The following PCDHA12 variants were observed in gnomAD, a reference collection of about 807,000 sequenced individuals.
PCDHA12 encodes the protein protocadherin alpha-12.
Under a neutral mutation model 60.0 loss-of-function variants are expected in PCDHA12, and 44 were observed. The ratio of observed to expected loss-of-function variants is 0.73; its 90% CI spans 0.58 to 0.94. The LOEUF is 0.94. Among genes scored for constraint, PCDHA12 ranks in the 40% least tolerant of loss-of-function variants. The pLI, the probability that PCDHA12 is intolerant of heterozygous loss-of-function variation, is 0.00. For synonymous variants in PCDHA12, 569 were observed against 553.0 expected (o/e 1.03, Z -0.40); for missense variants, 1,276 against 1,239.7 (o/e 1.03, Z -0.44).
intron 1 of PCDHA12, chr5:140,966,814 CCGG>C (rs2096057641): frequency 1.9e-6 from 3 of 1,552,444 alleles, no homozygotes; most frequent in Non-Finnish European, 2.6e-6. Flanking sequence ...ATCCACGGCT[CCGG>C]CGGCCCATGC....
chr5:140,961,465 T>C (rs2095614873), intron 1 of PCDHA12, among the ~76,000 whole-genome samples: 2 of 152,218 alleles, frequency 1.3e-5, no homozygotes, highest in Admixed American at 1.3e-4. Context: ...GCTGCCTTTC[T>C]TTTTTTGTCT....
At chr5:140,926,590 G>A (rs2083383863) in intron 1 of PCDHA12, 1 of 296,754 alleles carries the variant, frequency 3.4e-6, no homozygotes, top group Non-Finnish European at 6.1e-6. Context: ...CTCGCGCCCG[G>A]GCGGGCGGCC....
chr5:140,983,665 A>G (rs1161885514), intron 3 of PCDHA12, among the ~76,000 whole-genome samples: 3 of 152,248 alleles, frequency 2.0e-5, no homozygotes, highest in Non-Finnish European at 4.4e-5. Flanking sequence ...GGCAGAGGGT[A>G]GGATTCAAAC....
chr5:140,880,338 C>T (rs887426306), intron 1 of PCDHA12, among the ~76,000 whole-genome samples: 10 of 152,130 alleles, frequency 6.6e-5, no homozygotes, highest in African/African-American at 1.7e-4. Context: ...AAAAATAAGA[C>T]AGGCAGCAGG....
At chr5:140,955,207 G>A (rs2153705473) in intron 1 of PCDHA12, among the ~76,000 whole-genome samples, 1 of 152,290 alleles carries the variant, frequency 6.6e-6, no homozygotes, top group South Asian at 2.1e-4. Context: ...CAATCAAGTA[G>A]CATGATGCCT....
At position 140,963,599 on chromosome 5, in the gene PCDHA12, C is replaced by T. The variant is rs968307291; in HGVS notation, c.2368-15350C>T. On this transcript the variant is annotated intron_variant, in intron 1 of 3. Coordinates refer to ENST00000398631, the MANE Select transcript of PCDHA12 (RefSeq NM_018903.4). ...TCAAAATGTAGGATATAGTTCTAGA[C>T]GTAATTGGGAAAGCTTAACTTTGTT... Among the ~76,000 whole-genome samples, 9 of 152,254 alleles carry T rather than the reference C, an allele frequency of 5.9e-5. No individual in the cohort carries two copies. The South Asian group carries it at 1.0e-3, about 18-fold the overall frequency.
Position 140,876,839 on chromosome 5 carries a change from C to G in PCDHA12, c.1367C>G (p.Ala456Gly). ...GTGAACGACAATGCGCCTGCGTTCGCGCAGCCCGAGTACACAGTGTTCGTG... is the reference window on the plus strand; with the variant it reads ...GTGAACGACAATGCGCCTGCGTTCGGGCAGCCCGAGTACACAGTGTTCGTG... ...ADVNDNAPAFAQPEYTVFVKE... is the reference protein window; with the variant it reads ...ADVNDNAPAFGQPEYTVFVKE... The change falls in exon 1 of 4, where the codon GCG becomes GGG. Residue 456 changes from alanine (A) to glycine (G), a missense_variant. Physicochemically the swap from Ala to Gly is moderately conservative, Grantham distance 60. Transcript: ENST00000398631. 6.2e-7 allele frequency: 1 copy of G among 1,614,116 alleles called. No homozygotes were observed. Among genetic ancestry groups the G allele is most frequent in the Non-Finnish European group, 8.5e-7 (1 of 1,180,000 alleles).
chr5:140,888,003 A>G (rs1187660261), intron 1 of PCDHA12, among the ~76,000 whole-genome samples: 1 of 152,112 alleles, frequency 6.6e-6, no homozygotes, highest in African/African-American at 2.4e-5. Context: ...CCGAATAGTC[A>G]TCTTTTTATC....
intron 1 of PCDHA12, among the ~76,000 whole-genome samples, chr5:140,971,538 C>T (rs1162304462): frequency 6.6e-6 from 1 of 152,122 alleles, no homozygotes; most frequent in African/African-American, 2.4e-5. Flanking sequence ...GTCATCATTG[C>T]CAGATCAACC....
chr5:140,875,410 ATACC>A lies in PCDHA12; in HGVS notation c.-61_-58del, dbSNP rs1259407256. On this transcript the variant is annotated 5_prime_UTR_variant, in exon 1 of 4. The change creates a premature stop within an existing upstream ORF in the 5' untranslated region. Coordinates refer to ENST00000398631, the MANE Select transcript of PCDHA12 (RefSeq NM_018903.4). ...ACAGAAAAGGGTGACTGCTCATAAA[ATACC>A]TCAGGCAAGCGATCCCTTAAAACTG... 2 of 1,502,000 alleles carry A rather than the reference ATACC, an allele frequency of 1.3e-6. No individual in the cohort carries two copies. Among genetic ancestry groups the A allele is most frequent in the Non-Finnish European group, 1.8e-6 (2 of 1,127,816 alleles). 93.0% of individuals were successfully genotyped at this position (1,502,000 alleles called of 1,614,324 possible).
intron 3 of PCDHA12, among the ~76,000 whole-genome samples, chr5:140,989,548 T>G (rs914557459): frequency 1.3e-5 from 2 of 152,166 alleles, no homozygotes; most frequent in Non-Finnish European, 2.9e-5. Flanking sequence ...TGTAATTCCT[T>G]TACGTTTTGT....
At position 140,875,824 on chromosome 5, in the gene PCDHA12, C is replaced by T. The variant is rs1554167977; in HGVS notation, c.352C>T (p.His118Tyr). The change falls in exon 1 of 4, where the codon CAT becomes TAT. Residue 118 changes from histidine (H) to tyrosine (Y), a missense_variant. His to Tyr is a moderately conservative substitution (Grantham distance 83). Transcript: ENST00000398631. ...CGTGGACAGGCCGCTGCAGGTTTTC[C>T]ATGTGGACGTGGAGGTGAAGGACAT... ...VIVDRPLQVF[H>Y]VDVEVKDIND... 7.4e-6 allele frequency: 12 copies of T among 1,614,156 alleles called. No homozygotes were observed. Among genetic ancestry groups the T allele is most frequent in the East Asian group, 2.2e-5 (1 of 44,884 alleles).
chr5:140,936,448 T>A (rs1477787930), intron 1 of PCDHA12, among the ~76,000 whole-genome samples: 1 of 152,210 alleles, frequency 6.6e-6, no homozygotes, highest in Non-Finnish European at 1.5e-5. Context: ...AATAACCACA[T>A]CTGTTTAGTG....
intron 1 of PCDHA12, among the ~76,000 whole-genome samples, chr5:140,879,972 C>T (rs1005756157): frequency 6.6e-6 from 1 of 152,176 alleles, no homozygotes; most frequent in Non-Finnish European, 1.5e-5. Context: ...AGGATAAACT[C>T]CTTTCAAGAT....
chr5:140,968,670 T>C lies in PCDHA12; in HGVS notation c.2368-10279T>C, dbSNP rs782754896. 23 of 1,614,180 alleles carry C rather than the reference T, an allele frequency of 1.4e-5. No homozygotes were observed. Among genetic ancestry groups the C allele is most frequent in the Non-Finnish European group, 1.8e-5 (21 of 1,180,034 alleles). On this transcript the variant is annotated intron_variant, in intron 1 of 3. Coordinates refer to ENST00000398631, the MANE Select transcript of PCDHA12 (RefSeq NM_018903.4). ...ACTTCTGACCTGGACCTCTTTAAGG[T>C]AGAGCTGCACACAGGAGAAATTAGG...
At chr5:140,928,076 A>G (rs2084914697) in intron 1 of PCDHA12, 1 of 1,614,142 alleles carries the variant, frequency 6.2e-7, no homozygotes. Context: ...GACAACTACT[A>G]CAGCCTGCTG....
In PCDHA12 at chr5:141,012,118, T is replaced by C. The variant is rs2098422988; in HGVS notation, c.*2181T>C. 6.5e-6 allele frequency: 1 copy of C among 153,768 alleles called. No individual in the cohort carries two copies. The highest frequency in any genetic ancestry group is 2.4e-5 in the African/African-American group (1 of 41,458). The allele number at this position is 153,768 out of a possible 1,614,324, so 9.5% of individuals were successfully genotyped here. A position where few individuals can be genotyped will look rare whatever the true frequency, so the allele number is the denominator to read the frequency against. On this transcript the variant is annotated 3_prime_UTR_variant, in exon 4 of 4. Coordinates refer to ENST00000398631, the MANE Select transcript of PCDHA12 (RefSeq NM_018903.4). ...TCATTTTGCCCCACTGAAGCCCATG[T>C]ATCTGACCTTACGTGCCTTTTGAAC...
At chr5:140,970,862 T>C (rs2153787404) in intron 1 of PCDHA12, among the ~76,000 whole-genome samples, 1 of 152,312 alleles carries the variant, frequency 6.6e-6, no homozygotes, top group South Asian at 2.1e-4. Flanking sequence ...GTTCCATTCC[T>C]GATTGAGAGT....
intron 1 of PCDHA12, chr5:140,884,661 A>C: frequency 6.3e-7 from 1 of 1,590,384 alleles, no homozygotes; most frequent in African/African-American, 1.3e-5. Context: ...TGCTTGAAAG[A>C]GGTAAGCTTA....
Sources: gnomAD v4.1 joint callset for allele counts (sites outside exome capture counted in the v4.1 genomes callset) on GRCh38, gnomAD v4.1.1 for gene constraint, MANE v1.5 for transcripts, NCBI Gene and HGNC (gene_info 2026-07-23, HGNC 2026-07-21) for gene names.